KDM4C: variants seen among roughly 807,000 people sequenced by gnomAD.
KDM4C encodes the protein lysine-specific demethylase 4C.
A neutral mutation model predicts 129.3 loss-of-function variants in KDM4C; 81 were observed. The observed-to-expected ratio is 0.63, with a 90% CI of 0.52 to 0.75. KDM4C has a LOEUF of 0.75. Among genes scored for constraint, KDM4C ranks in the 30% least tolerant of loss-of-function variants. The pLI is 0.00. For missense variants in KDM4C, 1,457 were observed against 1,304.0 expected, an observed-to-expected ratio of 1.12 and a Z score of -1.81; for synonymous variants, 573 against 456.1, an observed-to-expected ratio of 1.26 and a Z score of -3.26.
chr9:6,768,325 G>A (rs1056016945), intron 1 of KDM4C, among the ~76,000 whole-genome samples: 15 of 150,980 alleles, frequency 9.9e-5, no homozygotes, highest in Non-Finnish European at 1.9e-4. Flanking sequence ...CTGATGGGTA[G>A]TGCTGAACAG....
intron 5 of KDM4C, among the ~76,000 whole-genome samples, chr9:6,874,687 C>T (rs1001726282): frequency 6.6e-6 from 1 of 152,140 alleles, no homozygotes; most frequent in Non-Finnish European, 1.5e-5. Context: ...ATCTTGAGCA[C>T]ATGTTGTCTG....
chr9:7,015,874 A>C lies in KDM4C; in HGVS notation c.2204A>C (p.His735Pro). Residue 735 changes from histidine to proline, a missense_variant, in exon 15 of 22, where the codon CAT becomes CCT. His to Pro is a moderately conservative substitution (Grantham distance 77). Coordinates refer to ENST00000381309, the MANE Select transcript of KDM4C (RefSeq NM_015061.6). ...ATAGGTTGTTATGGTATTCCTTCTC[A>C]TGAGATCTGTGATGGATGGCTGTGT... ...VHASCYGIPS[H>P]EICDGWLCAR... 6.2e-7 allele frequency: 1 copy of C among 1,612,754 alleles called. No homozygotes were observed. The highest frequency in any genetic ancestry group is 8.5e-7 in the Non-Finnish European group (1 of 1,178,936).
At chr9:6,998,657 G>A (rs903307218) in intron 12 of KDM4C, among the ~76,000 whole-genome samples, 1 of 152,124 alleles carries the variant, frequency 6.6e-6, no homozygotes, top group Admixed American at 6.5e-5. Context: ...TTAGCTGAGT[G>A]TGGTGGCACA....
intron 1 of KDM4C, among the ~76,000 whole-genome samples, chr9:6,786,084 C>A (rs1236784846): frequency 6.6e-6 from 1 of 152,164 alleles, no homozygotes; most frequent in East Asian, 1.9e-4. Flanking sequence ...GAAACTAATA[C>A]ACAATGAGAG....
intron 18 of KDM4C, among the ~76,000 whole-genome samples, chr9:7,106,604 C>G (rs1488280766): frequency 2.0e-5 from 3 of 152,012 alleles, no homozygotes; most frequent in Non-Finnish European, 4.4e-5. Flanking sequence ...ATAAAGCATC[C>G]AAAAGGACCA....
chr9:6,826,092 A>G (rs922728589), intron 4 of KDM4C, among the ~76,000 whole-genome samples: 1 of 152,128 alleles, frequency 6.6e-6, no homozygotes, highest in East Asian at 1.9e-4. Context: ...GATTACTGGC[A>G]TGAGCTACTG....
At chr9:6,859,918 G>C (rs909089358) in intron 5 of KDM4C, among the ~76,000 whole-genome samples, 1 of 151,316 alleles carries the variant, frequency 6.6e-6, no homozygotes, top group Non-Finnish European at 1.5e-5. Context: ...GGTTTATCTA[G>C]TTATTAATAA....
chr9:7,089,142 AT>A lies in KDM4C; in HGVS notation c.2425-14536del, dbSNP rs373043150. ...ATAAAAATCAAAATTGGAAAGTGCCATTTTTTTCTAGGTAAATGTTTCTAAT... is the reference window on the plus strand; with the variant it reads ...ATAAAAATCAAAATTGGAAAGTGCCATTTTTTCTAGGTAAATGTTTCTAAT... On this transcript the variant is annotated intron_variant, in intron 17 of 21. Coordinates refer to ENST00000381309, the MANE Select transcript of KDM4C (RefSeq NM_015061.6). Among the ~76,000 whole-genome samples the A allele has an allele frequency of 2.0e-3, 306 of 152,252 alleles. 1 individual carries two copies. Among genetic ancestry groups the A allele is most frequent in the African/African-American group, 7.0e-3 (290 of 41,554 alleles).
chr9:7,092,565 A>G (rs1332842164), intron 17 of KDM4C, among the ~76,000 whole-genome samples: 1 of 152,164 alleles, frequency 6.6e-6, no homozygotes, highest in Non-Finnish European at 1.5e-5. Context: ...GAAGCAGTAA[A>G]ATATATATGT....
chr9:7,037,434 T>G (rs1564022671), intron 15 of KDM4C, among the ~76,000 whole-genome samples: 1 of 152,212 alleles, frequency 6.6e-6, no homozygotes, highest in East Asian at 1.9e-4. Flanking sequence ...ACAGCCATAT[T>G]ACAACAATGC....
At chr9:6,840,186 C>T (rs1836653410) in intron 4 of KDM4C, among the ~76,000 whole-genome samples, 1 of 151,616 alleles carries the variant, frequency 6.6e-6, no homozygotes, top group African/African-American at 2.4e-5. Context: ...GCTCTTTCTA[C>T]CTCAGCCTCC....
intron 1 of KDM4C, among the ~76,000 whole-genome samples, chr9:6,750,271 T>G (rs947851136): frequency 3.9e-5 from 6 of 151,906 alleles, no homozygotes; most frequent in African/African-American, 1.2e-4. Flanking sequence ...GAACCCCATC[T>G]TTACTAAAAA....
intron 4 of KDM4C, among the ~76,000 whole-genome samples, chr9:6,824,962 G>C (rs954930797): frequency 1.3e-5 from 2 of 151,950 alleles, no homozygotes; most frequent in African/African-American, 4.8e-5. Context: ...TGGCCAACAT[G>C]GTGAAACCCC....
intron 4 of KDM4C, among the ~76,000 whole-genome samples, chr9:6,832,646 C>T (rs112743457): frequency 0.06 from 8,977 of 149,848 alleles, 362 homozygotes; most frequent in East Asian, 0.14. Flanking sequence ...AGGATGGTCT[C>T]GATCTCCTGA....
intron 8 of KDM4C, among the ~76,000 whole-genome samples, chr9:6,969,049 C>T (rs777945465): frequency 1.8e-4 from 27 of 152,012 alleles, no homozygotes; most frequent in Non-Finnish European, 3.5e-4. Flanking sequence ...GATTCTTGTG[C>T]CTCGGCTTTC....
At chr9:6,825,649 A>T (rs528171668) in intron 4 of KDM4C, among the ~76,000 whole-genome samples, 19 of 152,358 alleles carry the variant, frequency 1.2e-4, no homozygotes, top group African/African-American at 4.3e-4. Flanking sequence ...ATGTCTCTGC[A>T]TCTCAAAATA....
intron 18 of KDM4C, among the ~76,000 whole-genome samples, chr9:7,115,018 G>A (rs980951820): frequency 6.6e-6 from 1 of 152,128 alleles, no homozygotes; most frequent in Non-Finnish European, 1.5e-5. Context: ...GGTAAAGATT[G>A]CAGTGAGCCA....
intron 18 of KDM4C, 44 bp downstream of exon 18, chr9:7,103,914 A>AT: frequency 6.4e-7 from 1 of 1,561,250 alleles, no homozygotes; most frequent in Non-Finnish European, 8.8e-7. Flanking sequence ...CCGTGTCTGG[A>AT]TTTTCTCCTG....
chr9:7,142,324 A>C (rs1013581674), intron 19 of KDM4C, among the ~76,000 whole-genome samples: 2 of 152,142 alleles, frequency 1.3e-5, no homozygotes, highest in East Asian at 3.9e-4. Flanking sequence ...GTCTTTCGCT[A>C]TCCAAGCTGT....
Sources: gnomAD v4.1 joint callset for allele counts (sites outside exome capture counted in the v4.1 genomes callset) on GRCh38, gnomAD v4.1.1 for gene constraint, MANE v1.5 for transcripts, NCBI Gene and HGNC (gene_info 2026-07-23, HGNC 2026-07-21) for gene names.